The following PCDHGA1 variants were observed in gnomAD, a reference collection of about 807,000 sequenced individuals.
PCDHGA1 encodes protocadherin gamma subfamily A, 1.
A neutral mutation model predicts 58.0 loss-of-function variants in PCDHGA1; 32 were observed. That is an observed-to-expected ratio of 0.55 (90% CI 0.42 to 0.74). The LOEUF (loss-of-function observed/expected upper bound fraction) is 0.74, where lower values mean the gene tolerates loss of function less well. PCDHGA1 is among the 30% of genes least tolerant of loss of function. PCDHGA1 has a pLI of 0.00. For synonymous variants in PCDHGA1, 498 were observed against 501.1 expected, an observed-to-expected ratio of 0.99 and a Z score of 0.08; for missense variants, 1,205 against 1,182.3, an observed-to-expected ratio of 1.02 and a Z score of -0.28.
intron 1 of PCDHGA1, chr5:141,421,579 T>G (rs753573473): frequency 1.9e-6 from 3 of 1,613,816 alleles, no homozygotes; most frequent in Non-Finnish European, 2.5e-6. Context: ...CTTGAAGATT[T>G]ACGGAGTGGA....
At position 141,432,069 on chromosome 5, in the gene PCDHGA1, A is replaced by G. The variant is rs572724741; in HGVS notation, c.2422-62738A>G. On this transcript the variant is annotated intron_variant, in intron 1 of 3. Transcript: ENST00000517417. The surrounding 1 kb of genome is among the most constrained non-coding windows in gnomAD (Gnocchi z 6.0). ...ACCCCGCCCCTATCCACGGAAACTC[A>G]TATCTCGCTGAACGTGGCAGACACC... 646 of 1,614,168 alleles carry G rather than the reference A, an allele frequency of 4.0e-4. 5 individuals are homozygous for G. In the South Asian group the frequency reaches 6.9e-3, roughly 17 times the overall value.
intron 1 of PCDHGA1, chr5:141,340,330 C>A (rs1438222047): frequency 6.2e-7 from 1 of 1,614,042 alleles, no homozygotes; most frequent in African/African-American, 1.3e-5. Context: ...CCGCCTTCTC[C>A]CGCACATCCT....
In PCDHGA1 at chr5:141,432,782, C is replaced by A. The variant is rs547164205; in HGVS notation, c.2422-62025C>A. 6.2e-7 allele frequency: 1 copy of A among 1,614,164 alleles called. No homozygotes were observed. Among genetic ancestry groups the A allele is most frequent in the African/African-American group, 1.3e-5 (1 of 75,052 alleles). ...CAGCATCCCCCAAGTCCTGGCGGAC[C>A]TCGGCAGCCTCGAGTCTCCAGCTAA... On this transcript the variant is annotated intron_variant, in intron 1 of 3. Coordinates refer to ENST00000517417, the MANE Select transcript of PCDHGA1 (RefSeq NM_018912.3). This position sits in a 1 kb window ranked among gnomAD's most constrained non-coding sequence, Gnocchi z 6.0.
chr5:141,447,430 A>G (rs960560239), intron 1 of PCDHGA1, among the ~76,000 whole-genome samples: 9 of 152,156 alleles, frequency 5.9e-5, no homozygotes, highest in African/African-American at 2.2e-4. Flanking sequence ...GAGCCACCGC[A>G]CCCGGAGGAA....
At chr5:141,460,961 A>ATG (rs35821115) in intron 1 of PCDHGA1, among the ~76,000 whole-genome samples, 128 of 144,610 alleles carry the variant, frequency 8.9e-4, no homozygotes, top group Middle Eastern at 7.1e-3. Context: ...GTATATATAT[A>ATG]TGTGTGTGTG....
At chr5:141,418,458 TG>T in intron 1 of PCDHGA1, 1 of 1,614,010 alleles carries the variant, frequency 6.2e-7, no homozygotes, top group Non-Finnish European at 8.5e-7. Flanking sequence ...CAGAAGACTC[TG>T]GACCGAGAAA....
intron 1 of PCDHGA1, among the ~76,000 whole-genome samples, chr5:141,447,353 G>C (rs559895274): frequency 6.6e-6 from 1 of 152,032 alleles, no homozygotes; most frequent in Admixed American, 6.6e-5. Context: ...TGGTCAGGCT[G>C]GTCTCAAACT....
intron 1 of PCDHGA1, among the ~76,000 whole-genome samples, chr5:141,346,805 A>G (rs1446286490): frequency 6.6e-6 from 1 of 152,214 alleles, no homozygotes; most frequent in African/African-American, 2.4e-5. Flanking sequence ...GAAACACAAC[A>G]CTGGTTTGTA....
At chr5:141,430,261 A>T (rs1236197353) in intron 1 of PCDHGA1, among the ~76,000 whole-genome samples, 1 of 152,104 alleles carries the variant, frequency 6.6e-6, no homozygotes, top group African/African-American at 2.4e-5. Context: ...CATCTCCATA[A>T]TAGGTGTGTT....
intron 1 of PCDHGA1, among the ~76,000 whole-genome samples, chr5:141,459,563 C>CAAAACAGAATT (rs1554142058): frequency 5.3e-5 from 8 of 152,044 alleles, no homozygotes; most frequent in Non-Finnish European, 2.9e-5. Context: ...ATAAATACCC[C>CAAAACAGAATT]AAAACAGAAT....
Position 141,477,354 on chromosome 5 carries a change from C to T in PCDHGA1, c.2422-17453C>T, listed in dbSNP as rs1164062950. On this transcript the variant is annotated intron_variant, in intron 1 of 3. Coordinates refer to ENST00000517417, the MANE Select transcript of PCDHGA1 (RefSeq NM_018912.3). This position sits in a 1 kb window ranked among gnomAD's most constrained non-coding sequence, Gnocchi z 4.9. ...AATTACTTCACTTTGAAAACCAGTG[C>T]AGACCTGGATCGGGAGACTGTGCCA... 14 of 1,614,202 alleles carry T rather than the reference C, an allele frequency of 8.7e-6. No homozygotes were observed. The highest frequency in any genetic ancestry group is 1.1e-5 in the Non-Finnish European group (13 of 1,180,036).
chr5:141,387,021 G>A (rs1385427303), intron 1 of PCDHGA1, among the ~76,000 whole-genome samples: 1 of 152,158 alleles, frequency 6.6e-6, no homozygotes, highest in Non-Finnish European at 1.5e-5. Context: ...GAAGATGAAT[G>A]TTGTATTTCA....
intron 1 of PCDHGA1, chr5:141,424,098 C>T: frequency 8.3e-6 from 7 of 846,340 alleles, no homozygotes; most frequent in Non-Finnish European, 1.0e-5. Flanking sequence ...TTTGCTATTA[C>T]TGCTAATGTT....
chr5:141,352,689 G>T (rs889456769), intron 1 of PCDHGA1: 2 of 1,560,488 alleles, frequency 1.3e-6, no homozygotes, highest in African/African-American at 1.4e-5. Context: ...TGCAAATCTA[G>T]TTAAATTTTA....
rs1220353816 is a variant in PCDHGA1, at chr5:141,396,426, C to T, written c.2421+63321C>T. Reference sequence around the variant, plus strand: ...CTGAGGTCAGGAGTTCAAGATCAGCCTGGCAAACATGGTGAAACCCCGTCT... The same window carrying T: ...CTGAGGTCAGGAGTTCAAGATCAGCTTGGCAAACATGGTGAAACCCCGTCT... On this transcript the variant is annotated intron_variant, in intron 1 of 3. Coordinates refer to ENST00000517417, the MANE Select transcript of PCDHGA1 (RefSeq NM_018912.3). The T allele has an allele frequency of 5.9e-5, 9 of 152,308 alleles. 1 individual carries two copies. The highest frequency in any genetic ancestry group is 2.2e-4 in the African/African-American group (9 of 41,552). 9.4% of individuals were successfully genotyped at this position (152,308 alleles called of 1,614,324 possible). A position where few individuals can be genotyped will look rare whatever the true frequency, so the allele number is the denominator to read the frequency against.
Position 141,332,231 on chromosome 5 carries a change from C to G in PCDHGA1, c.1547C>G (p.Ala516Gly), listed in dbSNP as rs1198575168. ...SINSDTGVLY[A>G]LRSFDYEQFR... ...AACTCCGACACTGGGGTCCTGTATG[C>G]GCTGCGATCCTTCGACTATGAGCAG... The change falls in exon 1 of 4, where the codon GCG becomes GGG. Residue 516 changes from alanine to glycine, a missense_variant. Transcript: ENST00000517417. The surrounding 1 kb of genome is among the most constrained non-coding windows in gnomAD (Gnocchi z 4.6). 1 of 1,614,222 alleles carries G rather than the reference C, an allele frequency of 6.2e-7. No individual in the cohort carries two copies. Among genetic ancestry groups the G allele is most frequent in the Non-Finnish European group, 8.5e-7 (1 of 1,180,040 alleles).
intron 1 of PCDHGA1, among the ~76,000 whole-genome samples, chr5:141,353,205 C>A (rs1014570316): frequency 2.0e-5 from 3 of 152,184 alleles, no homozygotes; most frequent in Admixed American, 6.5e-5. Flanking sequence ...CTAAAGAGAC[C>A]TGTTTCCTAG....
At chr5:141,419,259 CG>C in intron 1 of PCDHGA1, 1 of 1,614,016 alleles carries the variant, frequency 6.2e-7, no homozygotes, top group Non-Finnish European at 8.5e-7. Context: ...AACAACCAGC[CG>C]GGTGCCTCCA....
chr5:141,399,813 G>T (rs985564503), intron 1 of PCDHGA1: 1 of 1,613,080 alleles, frequency 6.2e-7, no homozygotes, highest in Admixed American at 1.7e-5. Flanking sequence ...TGTACCCCGC[G>T]CTGGGTCCCG....
Sources: allele counts gnomAD v4.1 joint callset (sites outside exome capture counted in the v4.1 genomes callset), GRCh38; gene constraint gnomAD v4.1.1; non-coding constraint Gnocchi (gnomAD v3.1); transcripts MANE v1.5; gene names NCBI Gene and HGNC (gene_info 2026-07-23, HGNC 2026-07-21).